Variants in C10orf90 observed in about 807,000 individuals in gnomAD.
The protein encoded by C10orf90 is (E2-independent) E3 ubiquitin-conjugating enzyme FATS.
A neutral mutation model predicts 62.5 loss-of-function variants in C10orf90; 56 were observed. The ratio of observed to expected loss-of-function variants is 0.90; its 90% confidence interval spans 0.72 to 1.12. The LOEUF is 1.12. Ranked by LOEUF, C10orf90 falls within the 50% of genes most tolerant of loss-of-function variation. The pLI is 0.00. For missense variants in C10orf90, 970 were observed against 880.4 expected (o/e 1.10, Z -1.29); for synonymous variants, 386 against 340.4 (o/e 1.13, Z -1.47).
chr10:126,603,997 G>C (rs995575059), intron 2 of C10orf90, among the ~76,000 whole-genome samples: 3 of 152,176 alleles, frequency 2.0e-5, no homozygotes, highest in African/African-American at 7.2e-5. Context: ...GGCTGAGCTC[G>C]AAGCCTGGAG....
intron 2 of C10orf90, among the ~76,000 whole-genome samples, chr10:126,586,433 G>A (rs1844871836): frequency 3.9e-5 from 6 of 152,198 alleles, no homozygotes; most frequent in Admixed American, 3.9e-4. Context: ...AAGGAAAATC[G>A]GCACGCGTTC....
intron 2 of C10orf90, among the ~76,000 whole-genome samples, chr10:126,566,018 T>TA (rs1480513048): frequency 6.6e-6 from 1 of 152,210 alleles, no homozygotes; most frequent in Non-Finnish European, 1.5e-5. Flanking sequence ...CAGACTACCC[T>TA]ATTGTCATTA....
At chr10:126,579,071 T>TTA (rs1491258443) in intron 2 of C10orf90, among the ~76,000 whole-genome samples, 6 of 142,454 alleles carry the variant, frequency 4.2e-5, no homozygotes, top group African/African-American at 1.3e-4. Flanking sequence ...AGTTTTTTTT[T>TTA]AAAAAAAAAA....
In C10orf90 at chr10:126,670,295, G is replaced by A. The variant is rs1289883488; in HGVS notation, c.186C>T (p.Ile62=). 4 of 456,656 alleles carry A rather than the reference G, an allele frequency of 8.8e-6. No homozygotes were observed. The highest frequency in any genetic ancestry group is 7.0e-5 in the Admixed American group (3 of 42,578). 28.3% of individuals were successfully genotyped at this position (456,656 alleles called of 1,614,324 possible). Residue 62 remains isoleucine, a synonymous_variant, in exon 1 of 10, where the codon ATC becomes ATT. Coordinates refer to ENST00000488181, the MANE Select transcript of C10orf90 (RefSeq NM_001350921.2). ...TCTTCAAGCCTTGACACATATGGAT[G>A]ATACAAACTTTGGCTCTTCTCTGGG... ...FPSQRRAKVC[I]IHMCQGLKTA...
At chr10:126,490,023 TATATAA>T (rs1861655139) in intron 4 of C10orf90, among the ~76,000 whole-genome samples, 1 of 93,500 alleles carries the variant, frequency 1.1e-5, no homozygotes, top group South Asian at 2.5e-4. Flanking sequence ...TTATATATAA[TATATAA>T]TATATAATAT....
intron 2 of C10orf90, among the ~76,000 whole-genome samples, chr10:126,552,691 A>T (rs1231667634): frequency 1.3e-5 from 2 of 152,252 alleles, no homozygotes; most frequent in Non-Finnish European, 2.9e-5. Context: ...AGGAGAAAGG[A>T]AATGCTGCAG....
chr10:126,534,153 G>A (rs11245021), intron 2 of C10orf90, among the ~76,000 whole-genome samples: 8,298 of 152,272 alleles, frequency 0.054, 339 homozygotes, highest in African/African-American at 0.11. Flanking sequence ...AATGAGATCA[G>A]CTTTCCTCGA....
At chr10:126,620,411 C>A (rs1264002727) in intron 2 of C10orf90, among the ~76,000 whole-genome samples, 1 of 152,184 alleles carries the variant, frequency 6.6e-6, no homozygotes, top group Admixed American at 6.5e-5. Flanking sequence ...ATACTAATTC[C>A]ACACTGTCCT....
chr10:126,549,011 TAACTC>T lies in C10orf90; in HGVS notation c.314-35077_314-35073del, dbSNP rs150117472. Among the ~76,000 whole-genome samples, 351 of 152,216 alleles carry T rather than the reference TAACTC, an allele frequency of 2.3e-3. 3 individuals carry two copies. The East Asian group carries it at 0.031, about 13-fold the overall frequency. On this transcript the variant is annotated intron_variant, in intron 2 of 9. Coordinates refer to ENST00000488181, the MANE Select transcript of C10orf90 (RefSeq NM_001350921.2). Reference sequence around the variant, plus strand: ...CTAAATCTCACATCTTATATAAAAATAACTCAAACAGGATGATAAACTTGAATGTA... The same window carrying T: ...CTAAATCTCACATCTTATATAAAAATAAACAGGATGATAAACTTGAATGTA...
At chr10:126,632,069 T>C (rs1475037688) in intron 2 of C10orf90, among the ~76,000 whole-genome samples, 3 of 152,024 alleles carry the variant, frequency 2.0e-5, no homozygotes, top group Admixed American at 6.6e-5. Context: ...TGAGGAAATT[T>C]CCAAGAATGA....
In C10orf90 at chr10:126,466,348, C is replaced by G. The variant is rs1476565179; in HGVS notation, c.1535-1362G>C. On this transcript the variant is annotated intron_variant, in intron 4 of 9. Transcript: ENST00000488181. ...CTAACACGGTGAAATCCCGTCTCTACTAAAAACACACACACACACACAAAC... is the reference window on the plus strand; with the variant it reads ...CTAACACGGTGAAATCCCGTCTCTAGTAAAAACACACACACACACACAAAC... Among the ~76,000 whole-genome samples, 4 of 143,264 alleles carry G rather than the reference C, an allele frequency of 2.8e-5. No homozygotes were observed. The South Asian group carries it at 9.4e-4, about 34-fold the overall frequency. 94.0% of individuals were successfully genotyped at this position (143,264 alleles called of 152,430 possible).
In C10orf90 at chr10:126,565,111, T is replaced by TA. The variant is rs1564874001; in HGVS notation, c.314-51173dup. Among the ~76,000 whole-genome samples the TA allele has an allele frequency of 5.1e-3, 207 of 40,862 alleles. 38 individuals carry two copies. Among genetic ancestry groups the TA allele is most frequent in the Non-Finnish European group, 5.5e-3 (133 of 24,030 alleles). 26.8% of individuals were successfully genotyped at this position (40,862 alleles called of 152,430 possible). ...TATATATTATATAATATATAAAATA[T>TA]ATATTATATAATATATAATATAAAT... On this transcript the variant is annotated intron_variant, in intron 2 of 9. Coordinates refer to ENST00000488181, the MANE Select transcript of C10orf90 (RefSeq NM_001350921.2).
At chr10:126,553,814 G>T (rs1240677441) in intron 2 of C10orf90, among the ~76,000 whole-genome samples, 1 of 152,170 alleles carries the variant, frequency 6.6e-6, no homozygotes, top group Admixed American at 6.5e-5. Flanking sequence ...AGTGATGTAT[G>T]ACTGTAAGAC....
At chr10:126,629,136 C>G (rs1845804539) in intron 2 of C10orf90, among the ~76,000 whole-genome samples, 1 of 152,194 alleles carries the variant, frequency 6.6e-6, no homozygotes, top group African/African-American at 2.4e-5. Flanking sequence ...TCAAATGTGG[C>G]ATTTAGGGCT....
intron 2 of C10orf90, among the ~76,000 whole-genome samples, chr10:126,633,269 C>T (rs1191947470): frequency 6.6e-6 from 1 of 152,190 alleles, no homozygotes; most frequent in African/African-American, 2.4e-5. Context: ...AAAGGGAGGC[C>T]TAGGACATCC....
intron 2 of C10orf90, among the ~76,000 whole-genome samples, chr10:126,577,932 T>A (rs1844660681): frequency 6.6e-6 from 1 of 152,140 alleles, no homozygotes; most frequent in South Asian, 2.1e-4. Context: ...GATATCCATA[T>A]GAGAGAAAAA....
At chr10:126,458,949 T>A in intron 7 of C10orf90, 91 bp downstream of exon 7, 4 of 1,341,672 alleles carry the variant, frequency 3.0e-6, no homozygotes, top group Non-Finnish European at 4.0e-6. Flanking sequence ...AGTGGCATCA[T>A]TTGGAGCCAT....
chr10:126,552,021 TAAGGTTAGTACCTAG>T lies in C10orf90; in HGVS notation c.314-38097_314-38083del, dbSNP rs1304067123. Among the ~76,000 whole-genome samples the T allele has an allele frequency of 1.9e-4, 29 of 152,316 alleles. 1 individual carries two copies. In the East Asian group the frequency reaches 5.4e-3, roughly 28 times the overall value. On this transcript the variant is annotated intron_variant, in intron 2 of 9. Transcript: ENST00000488181. The stretch of plus-strand genomic sequence containing the variant: ...ATGGTTAAGAAACTGGGATACTGTC[TAAGGTTAGTACCTAG>T]AAGAACTAGGTTGTCAAAATGCCAG...
At chr10:126,602,037 G>T (rs1170384039) in intron 2 of C10orf90, among the ~76,000 whole-genome samples, 3 of 152,218 alleles carry the variant, frequency 2.0e-5, no homozygotes, top group African/African-American at 7.2e-5. Flanking sequence ...CTTTCACGTT[G>T]CTATGTAAAC....
Sources: allele counts gnomAD v4.1 joint callset (sites outside exome capture counted in the v4.1 genomes callset), GRCh38; gene constraint gnomAD v4.1.1; transcripts MANE v1.5; gene names NCBI Gene and HGNC (gene_info 2026-07-23, HGNC 2026-07-21).